PBX1: variants seen among roughly 807,000 people sequenced by gnomAD.
PBX1 encodes the protein PBX homeobox 1, also known as pre-B-cell leukemia transcription factor 1.
PBX1 carries 6 observed loss-of-function variants against 53.4 expected under a neutral mutation model. The observed-to-expected ratio is 0.11, with a 90% confidence interval of 0.06 to 0.22. The LOEUF (loss-of-function observed/expected upper bound fraction) is 0.22, where lower values mean the gene tolerates loss of function less well. Among genes scored for constraint, PBX1 ranks in the 10% least tolerant of loss-of-function variants. The pLI is 1.00. For synonymous variants in PBX1, 204 were observed against 212.3 expected (o/e 0.96, Z 0.34); for missense variants, 251 against 551.4 (o/e 0.46, Z 5.46).
intron 2 of PBX1, among the ~76,000 whole-genome samples, chr1:164,617,420 G>T (rs2101841836): frequency 6.6e-6 from 1 of 152,356 alleles, no homozygotes; most frequent in East Asian, 1.9e-4. Context: ...TCCAATATGG[G>T]ATCAGACATT....
At chr1:164,853,051 T>TA (rs1286674826), downstream of PBX1, among the ~76,000 whole-genome samples, 2 of 152,178 alleles carry the variant, frequency 1.3e-5, no homozygotes, top group African/African-American at 4.8e-5. Context: ...ATTTCTCACT[T>TA]ACGGTATAGC....
In PBX1 at chr1:164,592,401, A is replaced by G. The variant is rs951118196; in HGVS notation, c.265+29090A>G. On this transcript the variant is annotated intron_variant, in intron 2 of 8. Coordinates refer to ENST00000420696, the MANE Select transcript of PBX1 (RefSeq NM_002585.4). ...TGCTGCAAATTTGCCTAGTAGCCCAACTTTCCAAAGTTAAGATCATCCCTG... is the reference window on the plus strand; with the variant it reads ...TGCTGCAAATTTGCCTAGTAGCCCAGCTTTCCAAAGTTAAGATCATCCCTG... Among the ~76,000 whole-genome samples, 5 of 152,222 alleles carry G rather than the reference A, an allele frequency of 3.3e-5. No individual in the cohort carries two copies. In the East Asian group the frequency reaches 5.8e-4, roughly 18 times the overall value.
intron 2 of PBX1, among the ~76,000 whole-genome samples, chr1:164,568,134 A>C (rs144369321): frequency 1.3e-5 from 2 of 152,292 alleles, no homozygotes; most frequent in East Asian, 3.9e-4. Flanking sequence ...CAAACGAGCA[A>C]ATAAACCAAA....
At chr1:164,584,643 G>T (rs1007880731) in intron 2 of PBX1, among the ~76,000 whole-genome samples, 1 of 152,132 alleles carries the variant, frequency 6.6e-6, no homozygotes, top group Admixed American at 6.5e-5. Flanking sequence ...AGTAAGAGGG[G>T]TATCATGGAG....
chr1:164,623,193 C>T (rs185720979), intron 2 of PBX1, among the ~76,000 whole-genome samples: 115 of 152,226 alleles, frequency 7.6e-4, no homozygotes, highest in Non-Finnish European at 1.5e-3. Flanking sequence ...AGGTAAGCCC[C>T]GCCTCGTTAC....
intron 2 of PBX1, among the ~76,000 whole-genome samples, chr1:164,728,051 G>T (rs765839870): frequency 6.6e-6 from 1 of 152,184 alleles, no homozygotes; most frequent in African/African-American, 2.4e-5. Flanking sequence ...CAGGCTGGGC[G>T]TGGTGGCTCA....
Position 164,851,634 on chromosome 1 carries a change from G to A in PBX1, c.*4958G>A, listed in dbSNP as rs1479866182. 3 of 184,278 alleles carry A rather than the reference G, an allele frequency of 1.6e-5. No homozygotes were observed. Among genetic ancestry groups the A allele is most frequent in the Non-Finnish European group, 3.4e-5 (3 of 87,060 alleles). The allele number at this position is 184,278 out of a possible 1,614,324, so 11.4% of individuals were successfully genotyped here. ...TTCTTATTATTCAGAATATAAACCT[G>A]CAAAGCTCTGCTCTGTTTTGGTTTT... On this transcript the variant is annotated 3_prime_UTR_variant, in exon 9 of 9. Transcript: ENST00000420696.
intron 2 of PBX1, among the ~76,000 whole-genome samples, chr1:164,710,879 A>G (rs1046096983): frequency 1.3e-5 from 2 of 152,202 alleles, no homozygotes; most frequent in Non-Finnish European, 2.9e-5. Context: ...AGGGATGACT[A>G]AGTGCAAGGC....
At chr1:164,594,166 A>G (rs996132216) in intron 2 of PBX1, among the ~76,000 whole-genome samples, 6 of 152,232 alleles carry the variant, frequency 3.9e-5, no homozygotes, top group Non-Finnish European at 7.3e-5. Flanking sequence ...CTCTATAAAG[A>G]CATGATTTAA....
At chr1:164,792,460 C>G in intron 2 of PBX1, 34 bp from the exon 3 acceptor site, 1 of 1,611,538 alleles carries the variant, frequency 6.2e-7, no homozygotes, top group South Asian at 1.1e-5. Context: ...TCTTGGGTTA[C>G]TATTAACGCT....
intron 2 of PBX1, among the ~76,000 whole-genome samples, chr1:164,669,409 C>T (rs555009838): frequency 1.5e-4 from 23 of 152,270 alleles, no homozygotes; most frequent in African/African-American, 2.9e-4. Context: ...GGATAAGGGG[C>T]GCCCTCTCCC....
intron 2 of PBX1, among the ~76,000 whole-genome samples, chr1:164,697,315 C>G (rs1475905404): frequency 6.6e-6 from 1 of 152,138 alleles, no homozygotes; most frequent in Non-Finnish European, 1.5e-5. Context: ...TAACTGAAAG[C>G]ACGGCAGCTT....
chr1:164,590,344 T>C (rs1338275358), intron 2 of PBX1: 1 of 455,894 alleles, frequency 2.2e-6, no homozygotes. Context: ...CACAGGGCTC[T>C]CCTGCATGCT....
intron 2 of PBX1, among the ~76,000 whole-genome samples, chr1:164,609,760 T>C (rs1300734961): frequency 6.6e-6 from 1 of 152,200 alleles, no homozygotes; most frequent in Non-Finnish European, 1.5e-5. Flanking sequence ...AGACTATTCT[T>C]ACCTGGCTTA....
In PBX1 at chr1:164,795,981, C is replaced by T. The variant is rs1050925267; in HGVS notation, c.510+3243C>T. ...AAACTACCTGAATCAGCCATTGTTT[C>T]ACCCTGAGGTTATTAAAGAAAGAAG... On this transcript the variant is annotated intron_variant, in intron 3 of 8. Transcript: ENST00000420696. Among the ~76,000 whole-genome samples the T allele has an allele frequency of 7.1e-4, 108 of 152,022 alleles. 1 individual carries two copies. Among genetic ancestry groups the T allele is most frequent in the African/African-American group, 2.5e-3 (102 of 41,468 alleles).
At chr1:164,814,060 G>T (rs933290507) in intron 6 of PBX1, 2 of 152,072 alleles carry the variant, frequency 1.3e-5, no homozygotes, top group Admixed American at 6.6e-5. Context: ...TAAAGTAGAG[G>T]CAAAAGAAAA....
At chr1:164,861,059 AGAGAAGG>A (rs1261140511) in intron 2 of PBX1, among the ~76,000 whole-genome samples, 3 of 151,990 alleles carry the variant, frequency 2.0e-5, no homozygotes, top group African/African-American at 7.3e-5. Context: ...AAGGGAATAC[AGAGAAGG>A]GAGGAAAAGA....
intron 2 of PBX1, among the ~76,000 whole-genome samples, chr1:164,872,294 A>G (rs1047155828): frequency 1.2e-4 from 18 of 152,288 alleles, no homozygotes; most frequent in Admixed American, 3.9e-4. Context: ...TCATGGTTAG[A>G]GGCATCATCT....
chr1:164,562,913 A>G (rs943764313), intron 1 of PBX1: 1 of 165,886 alleles, frequency 6.0e-6, no homozygotes, highest in African/African-American at 2.4e-5. Flanking sequence ...TGCTGTGTTC[A>G]TTGTCCTGGG....
Sources: gnomAD v4.1 joint callset for allele counts (sites outside exome capture counted in the v4.1 genomes callset) on GRCh38, gnomAD v4.1.1 for gene constraint, MANE v1.5 for transcripts, NCBI Gene and HGNC (gene_info 2026-07-23, HGNC 2026-07-21) for gene names.